The following DGLUCY variants were observed in gnomAD, a reference collection of about 807,000 sequenced individuals.
The protein encoded by DGLUCY is D-glutamate cyclase, also known as D-glutamate cyclase, mitochondrial.
DGLUCY carries 58 observed loss-of-function variants against 58.5 expected under a neutral mutation model. The ratio of observed to expected loss-of-function variants is 0.99; its 90% CI spans 0.80 to 1.23. The LOEUF (loss-of-function observed/expected upper bound fraction) is 1.23, where lower values mean the gene tolerates loss of function less well. Ranked by LOEUF, DGLUCY falls within the 50% of genes most tolerant of loss-of-function variation. DGLUCY has a pLI of 0.00. For synonymous variants in DGLUCY, 325 were observed against 314.1 expected (o/e 1.03, Z -0.37); for missense variants, 779 against 784.7 (o/e 0.99, Z 0.09).
intron 1 of DGLUCY, among the ~76,000 whole-genome samples, chr14:91,071,849 A>T (rs113168538): frequency 0.021 from 3,204 of 151,556 alleles, 52 homozygotes; most frequent in Non-Finnish European, 0.035. Flanking sequence ...GCCTGGTAAC[A>T]GAGTGAGACT....
At chr14:91,095,133 C>G (rs1240252719) in intron 1 of DGLUCY, among the ~76,000 whole-genome samples, 1 of 152,188 alleles carries the variant, frequency 6.6e-6, no homozygotes, top group East Asian at 1.9e-4. Flanking sequence ...TGAAAGCAGA[C>G]CATGTGCCCA....
chr14:91,195,881 G>A (rs547105230), intron 9 of DGLUCY, among the ~76,000 whole-genome samples: 17 of 151,914 alleles, frequency 1.1e-4, no homozygotes, highest in African/African-American at 3.4e-4. Flanking sequence ...CATGTTAGCC[G>A]GGATGGTCTC....
At chr14:91,076,638 A>G (rs988328559) in intron 1 of DGLUCY, among the ~76,000 whole-genome samples, 4 of 151,994 alleles carry the variant, frequency 2.6e-5, no homozygotes, top group Non-Finnish European at 5.9e-5. Context: ...GATCTGGGAA[A>G]CTCCACAGGG....
chr14:91,182,610 G>A (rs1249505875), intron 8 of DGLUCY, among the ~76,000 whole-genome samples: 1 of 152,084 alleles, frequency 6.6e-6, no homozygotes, highest in Non-Finnish European at 1.5e-5. Context: ...TATGGATTTA[G>A]TGATGTCCCT....
intron 1 of DGLUCY, among the ~76,000 whole-genome samples, chr14:91,085,901 C>A (rs543617546): frequency 1.3e-5 from 2 of 152,250 alleles, no homozygotes; most frequent in South Asian, 4.1e-4. Flanking sequence ...GGGTTCCCAA[C>A]CCCCAGGCCA....
chr14:91,096,690 C>A (rs578087994), intron 1 of DGLUCY, among the ~76,000 whole-genome samples: 4 of 152,176 alleles, frequency 2.6e-5, no homozygotes, highest in Admixed American at 2.0e-4. Context: ...TGCCCACCCC[C>A]CTGGCTTGTT....
At chr14:91,194,833 C>T (rs748148667) in intron 9 of DGLUCY, among the ~76,000 whole-genome samples, 3 of 152,052 alleles carry the variant, frequency 2.0e-5, no homozygotes, top group African/African-American at 4.8e-5. Flanking sequence ...GCTACGTGCC[C>T]GGCCAGTGAG....
In DGLUCY at chr14:91,160,282, T is replaced by C; in HGVS notation, c.-13T>C. On this transcript the variant is annotated 5_prime_UTR_variant, in exon 3 of 14. Transcript: ENST00000256324. Reference sequence around the variant, plus strand: ...CTCACCCAGATTCTCTGCTACTTATTCAAGTTGACACGATGCCCTTCACAC... The same window carrying C: ...CTCACCCAGATTCTCTGCTACTTATCCAAGTTGACACGATGCCCTTCACAC... 3 of 1,598,992 alleles carry C rather than the reference T, an allele frequency of 1.9e-6. No individual in the cohort carries two copies. Among genetic ancestry groups the C allele is most frequent in the Non-Finnish European group, 2.6e-6 (3 of 1,166,540 alleles).
intron 1 of DGLUCY, among the ~76,000 whole-genome samples, chr14:91,063,659 G>A (rs11624370): frequency 0.28 from 42,955 of 152,208 alleles, 6,153 homozygotes; most frequent in Middle Eastern, 0.32. Context: ...ATGTCCTGAG[G>A]CAGGCAAAGA....
chr14:91,180,553 CACA>C (rs1469834767), intron 7 of DGLUCY, among the ~76,000 whole-genome samples: 1 of 140,362 alleles, frequency 7.1e-6, no homozygotes, highest in Non-Finnish European at 1.5e-5. Flanking sequence ...GCCTGGGTGA[CACA>C]ACAAGACTCC....
intron 9 of DGLUCY, among the ~76,000 whole-genome samples, chr14:91,194,911 G>A (rs542531113): frequency 1.3e-5 from 2 of 152,310 alleles, no homozygotes; most frequent in Admixed American, 6.5e-5. Context: ...ACCCACTGGG[G>A]TGGCAGTGGC....
At chr14:91,145,940 G>A (rs566569844) in intron 1 of DGLUCY, among the ~76,000 whole-genome samples, 3 of 152,054 alleles carry the variant, frequency 2.0e-5, no homozygotes, top group African/African-American at 4.8e-5. Context: ...GTGCGGTGAC[G>A]TGATCATGGC....
intron 13 of DGLUCY, chr14:91,215,792 G>A (rs1886431766): frequency 1.5e-6 from 2 of 1,351,516 alleles, no homozygotes; most frequent in Non-Finnish European, 1.9e-6. Flanking sequence ...GTTTGACTTT[G>A]GGTGAGTTGC....
At chr14:91,224,404 G>T (rs1887927114) in intron 13 of DGLUCY, among the ~76,000 whole-genome samples, 1 of 152,158 alleles carries the variant, frequency 6.6e-6, no homozygotes, top group Non-Finnish European at 1.5e-5. Flanking sequence ...TTCCATTAAA[G>T]CATATTATTT....
At chr14:91,220,414 T>G (rs1307329032) in intron 13 of DGLUCY, 1 of 445,318 alleles carries the variant, frequency 2.2e-6, no homozygotes, top group African/African-American at 2.0e-5. Context: ...ATCCTTCTTA[T>G]CATGACAAGG....
Position 91,217,592 on chromosome 14 carries a change from C to A in DGLUCY, c.1716+2036C>A, listed in dbSNP as rs570534486. Among the ~76,000 whole-genome samples the A allele has an allele frequency of 1.7e-3, 256 of 151,506 alleles. 2 individuals carry two copies. The highest frequency in any genetic ancestry group is 5.9e-3 in the African/African-American group (244 of 41,248). On this transcript the variant is annotated intron_variant, in intron 13 of 13. Transcript: ENST00000256324. ...CTCCACCCCCCAAGTTCAAGCAACTCTCCTGCCTTAGCCTCTCGAGTAGCT... is the reference window on the plus strand; with the variant it reads ...CTCCACCCCCCAAGTTCAAGCAACTATCCTGCCTTAGCCTCTCGAGTAGCT...
chr14:91,077,288 A>G (rs1439410517), intron 1 of DGLUCY, among the ~76,000 whole-genome samples: 1 of 151,142 alleles, frequency 6.6e-6, no homozygotes, highest in African/African-American at 2.4e-5. Context: ...AGAGAGAAAC[A>G]AAGAGGAAAG....
At chr14:91,083,550 C>T (rs992182265) in intron 1 of DGLUCY, among the ~76,000 whole-genome samples, 70 of 149,584 alleles carry the variant, frequency 4.7e-4, no homozygotes, top group Non-Finnish European at 1.2e-4. Flanking sequence ...ACAGAGAGAA[C>T]GATCCGTAAA....
In DGLUCY at chr14:91,170,009, C is replaced by T; in HGVS notation, c.264C>T (p.Gly88=). The T allele has an allele frequency of 6.2e-7, 1 of 1,612,176 alleles. No individual in the cohort carries two copies. The highest frequency in any genetic ancestry group is 2.3e-4 in the Middle Eastern group (1 of 4,444). ...TTTCCCCTTATGTCCCCAGGATGGG[C>T]CATCCCCAGTTCTGGAAATACGAGT... is the stretch of plus-strand genomic sequence containing the variant. ...PQGAISETRM[G]HPQFWKYEFG... is the part of the protein sequence containing the mutation. Residue 88 remains glycine, a synonymous_variant, in exon 5 of 14, where the codon GGC becomes GGT. Coordinates refer to ENST00000256324, the MANE Select transcript of DGLUCY (RefSeq NM_001102368.3).
Sources: allele counts gnomAD v4.1 joint callset (sites outside exome capture counted in the v4.1 genomes callset), GRCh38; gene constraint gnomAD v4.1.1; transcripts MANE v1.5; gene names NCBI Gene and HGNC (gene_info 2026-07-23, HGNC 2026-07-21).